Variants in DGKI observed in about 807,000 individuals in gnomAD.
DGKI encodes the protein diacylglycerol kinase iota, also known as DAG kinase iota.
A neutral mutation model predicts 147.5 loss-of-function variants in DGKI; 55 were observed. The observed-to-expected ratio is 0.37, with a 90% CI of 0.30 to 0.47. The LOEUF (loss-of-function observed/expected upper bound fraction) is 0.47. Ranked by LOEUF, DGKI falls within the 20% of genes least tolerant of loss-of-function variation. The pLI is 1.00. For missense variants in DGKI, 1,007 were observed against 1,323.8 expected, an observed-to-expected ratio of 0.76 and a Z score of 3.71; for synonymous variants, 469 against 477.1, an observed-to-expected ratio of 0.98 and a Z score of 0.22.
chr7:137,676,209 T>C (rs575431759), intron 3 of DGKI, among the ~76,000 whole-genome samples: 6 of 152,324 alleles, frequency 3.9e-5, no homozygotes, highest in African/African-American at 1.2e-4. Flanking sequence ...CCTGCCCATT[T>C]CAGCCTAAAC....
intron 17 of DGKI, among the ~76,000 whole-genome samples, chr7:137,574,007 T>C (rs975169289): frequency 6.6e-6 from 1 of 152,224 alleles, no homozygotes; most frequent in Non-Finnish European, 1.5e-5. Flanking sequence ...TATCACAGGA[T>C]TTCCCCATTA....
intron 1 of DGKI, among the ~76,000 whole-genome samples, chr7:137,839,624 G>A (rs905731217): frequency 3.9e-5 from 6 of 152,178 alleles, no homozygotes; most frequent in Admixed American, 1.3e-4. Context: ...CAGAGGTGGC[G>A]CTTTGGACCC....
Position 137,582,414 on chromosome 7 carries a change from T to TTCTCTC in DGKI, c.1564-492_1564-487dup, listed in dbSNP as rs147596311. On this transcript the variant is annotated intron_variant, in intron 14 of 32. Coordinates refer to ENST00000614521, the MANE Select transcript of DGKI (RefSeq NM_001321708.2). ...TTAACTTGTTTATCCATCACCCATT[T>TTCTCTC]TCTCTCTCTCTCTCTCTCTCTATAT... Among the ~76,000 whole-genome samples the TTCTCTC allele has an allele frequency of 7.2e-3, 1,071 of 149,038 alleles. 8 individuals carry two copies. The highest frequency in any genetic ancestry group is 0.03 in the South Asian group (140 of 4,632).
At position 137,587,228 on chromosome 7, in the gene DGKI, G is replaced by C. The variant is rs761945383; in HGVS notation, c.1312-18C>G. On this transcript the variant is annotated intron_variant, in intron 12 of 32. Coordinates refer to ENST00000614521, the MANE Select transcript of DGKI (RefSeq NM_001321708.2). ...CAGCCCACCTACAGGCGTATCGGGGGCCAGAAGAGATATAAGAAAGATAAA... is the reference window on the plus strand; with the variant it reads ...CAGCCCACCTACAGGCGTATCGGGGCCCAGAAGAGATATAAGAAAGATAAA... The C allele has an allele frequency of 1.3e-6, 2 of 1,575,518 alleles. No homozygotes were observed. The highest frequency in any genetic ancestry group is 8.6e-7 in the Non-Finnish European group (1 of 1,160,402).
intron 5 of DGKI, among the ~76,000 whole-genome samples, chr7:137,649,736 C>CA (rs1821956623): frequency 2.0e-5 from 3 of 149,514 alleles, no homozygotes; most frequent in Middle Eastern, 3.5e-3. Flanking sequence ...ACCTGTTCCT[C>CA]AAAAACCTAT....
At chr7:137,672,866 C>T (rs538594751) in intron 3 of DGKI, among the ~76,000 whole-genome samples, 7 of 149,328 alleles carry the variant, frequency 4.7e-5, no homozygotes, top group African/African-American at 9.9e-5. Flanking sequence ...CCGCAACCTC[C>T]GCCTCCTGGG....
At chr7:137,840,612 C>A (rs1453707386) in intron 1 of DGKI, among the ~76,000 whole-genome samples, 1 of 152,204 alleles carries the variant, frequency 6.6e-6, no homozygotes, top group Non-Finnish European at 1.5e-5. Context: ...CCCTCTCCAG[C>A]CTCACAGCTG....
chr7:137,683,296 A>G lies in DGKI; in HGVS notation c.511-4644T>C, dbSNP rs558990858. Reference sequence around the variant, plus strand: ...AAATCCAAATTCAACCTGGCATACTAGACTCCAATAACAGCATCAATCACT... The same window carrying G: ...AAATCCAAATTCAACCTGGCATACTGGACTCCAATAACAGCATCAATCACT... On this transcript the variant is annotated intron_variant, in intron 2 of 32. Transcript: ENST00000614521. Among the ~76,000 whole-genome samples, 6 of 151,898 alleles carry G rather than the reference A, an allele frequency of 4.0e-5. No homozygotes were observed. In the Middle Eastern group the frequency reaches 0.014, roughly 344 times the overall value.
At chr7:137,567,218 T>G (rs1172085625) in intron 19 of DGKI, among the ~76,000 whole-genome samples, 1 of 149,752 alleles carries the variant, frequency 6.7e-6, no homozygotes, top group Non-Finnish European at 1.5e-5. Flanking sequence ...GAGCCGAGAT[T>G]GCACCATTGC....
At chr7:137,574,586 C>A (rs1166852108) in intron 17 of DGKI, among the ~76,000 whole-genome samples, 13 of 152,162 alleles carry the variant, frequency 8.5e-5, no homozygotes. Context: ...CTCATCAAAT[C>A]ATACGAAAAT....
At chr7:137,769,724 G>C (rs913355810) in intron 1 of DGKI, among the ~76,000 whole-genome samples, 1 of 152,168 alleles carries the variant, frequency 6.6e-6, no homozygotes, top group Non-Finnish European at 1.5e-5. Flanking sequence ...ATGAAAAATA[G>C]CTCATCATCA....
chr7:137,511,556 C>A (rs967879877), intron 21 of DGKI, among the ~76,000 whole-genome samples: 1 of 152,194 alleles, frequency 6.6e-6, no homozygotes, highest in Non-Finnish European at 1.5e-5. Context: ...TCAGAGCTAG[C>A]ACTCACTGAA....
intron 19 of DGKI, among the ~76,000 whole-genome samples, chr7:137,557,717 C>T (rs987161361): frequency 6.6e-6 from 1 of 152,148 alleles, no homozygotes; most frequent in Non-Finnish European, 1.5e-5. Flanking sequence ...TCCAGGCGAA[C>T]CTGTCCCTGT....
chr7:137,641,669 A>T (rs1821631204), intron 6 of DGKI, among the ~76,000 whole-genome samples: 1 of 152,210 alleles, frequency 6.6e-6, no homozygotes, highest in African/African-American at 2.4e-5. Context: ...TCTAAATCCA[A>T]AAAACTTCTG....
chr7:137,494,650 C>T (rs1439008736), intron 21 of DGKI, among the ~76,000 whole-genome samples: 2 of 152,134 alleles, frequency 1.3e-5, no homozygotes, highest in East Asian at 1.9e-4. Context: ...CCAGACCCGC[C>T]TTATAAGAGG....
intron 21 of DGKI, among the ~76,000 whole-genome samples, chr7:137,506,666 T>C (rs1231284401): frequency 6.6e-6 from 1 of 152,016 alleles, no homozygotes; most frequent in Non-Finnish European, 1.5e-5. Context: ...ATGCAAAATG[T>C]TAATAAAGGG....
chr7:137,773,159 C>A (rs1470488800), intron 1 of DGKI, among the ~76,000 whole-genome samples: 2 of 152,198 alleles, frequency 1.3e-5, no homozygotes, highest in Non-Finnish European at 2.9e-5. Flanking sequence ...GAACACTCCT[C>A]TTATTCTGAA....
intron 1 of DGKI, among the ~76,000 whole-genome samples, chr7:137,764,045 C>G (rs896277687): frequency 7.9e-5 from 12 of 152,212 alleles, no homozygotes; most frequent in Non-Finnish European, 1.5e-4. Flanking sequence ...CAAGTGATGG[C>G]TCCCACATGG....
intron 1 of DGKI, among the ~76,000 whole-genome samples, chr7:137,702,610 C>T (rs1302151532): frequency 6.6e-6 from 1 of 152,166 alleles, no homozygotes; most frequent in African/African-American, 2.4e-5. Flanking sequence ...TGCCCTATCC[C>T]CATCCTTATC....
Sources: allele counts gnomAD v4.1 joint callset (sites outside exome capture counted in the v4.1 genomes callset), GRCh38; gene constraint gnomAD v4.1.1; transcripts MANE v1.5; gene names NCBI Gene and HGNC (gene_info 2026-07-23, HGNC 2026-07-21).